Variants in UBE2B observed in about 807,000 individuals in gnomAD.
The protein encoded by UBE2B is ubiquitin conjugating enzyme E2 B.
UBE2B carries 11 observed loss-of-function variants against 24.6 expected under a neutral mutation model. The ratio of observed to expected loss-of-function variants is 0.45; its 90% CI spans 0.28 to 0.74. The LOEUF (loss-of-function observed/expected upper bound fraction) is 0.74, where lower values mean the gene tolerates loss of function less well. UBE2B is among the 30% of genes least tolerant of loss of function. The pLI, the probability that UBE2B is intolerant of heterozygous loss-of-function variation, is 0.13. For missense variants in UBE2B, 78 were observed against 185.6 expected (o/e 0.42, Z 3.37); for synonymous variants, 68 against 62.4 (o/e 1.09, Z -0.42).
In UBE2B at chr5:134,374,363, T is replaced by C. The variant is rs1235144739; in HGVS notation, c.45-20T>C. ...TGGCCTTAATGTTCAACTTTTTAAA[T>C]TACCACGCTGGATTTCCAGGTTACA... On this transcript the variant is annotated intron_variant, in intron 1 of 5. Transcript: ENST00000265339. 26 of 1,551,806 alleles carry C rather than the reference T, an allele frequency of 1.7e-5. No homozygotes were observed. The highest frequency in any genetic ancestry group is 2.2e-5 in the Non-Finnish European group (25 of 1,147,044).
At chr5:134,389,986 T>C in intron 5 of UBE2B, 1 of 471,318 alleles carries the variant, frequency 2.1e-6, no homozygotes, top group Non-Finnish European at 3.8e-6. Flanking sequence ...CAGCTGAAAT[T>C]ATAGGTCTTA....
intron 2 of UBE2B, among the ~76,000 whole-genome samples, chr5:134,375,797 CAAAAAAAAAAAAAAAA>C (rs775635194): frequency 6.7e-5 from 2 of 29,892 alleles, no homozygotes; most frequent in Admixed American, 4.1e-4. Context: ...GACTCCGTCT[CAAAAAAAAAAAAAAAA>C]AAAAAAAAAA....
intron 1 of UBE2B, among the ~76,000 whole-genome samples, chr5:134,373,949 G>C (rs1758549165): frequency 6.6e-6 from 1 of 152,150 alleles, no homozygotes; most frequent in African/African-American, 2.4e-5. Context: ...AAACATACGT[G>C]TGCATGTGTC....
intron 4 of UBE2B, among the ~76,000 whole-genome samples, chr5:134,386,478 A>G (rs1355837484): frequency 6.6e-6 from 1 of 152,036 alleles, no homozygotes; most frequent in Admixed American, 6.6e-5. Context: ...CTAAAAATGC[A>G]AAAATTAGCT....
chr5:134,381,218 G>A (rs929279585), intron 4 of UBE2B, among the ~76,000 whole-genome samples: 20 of 151,748 alleles, frequency 1.3e-4, no homozygotes, highest in Admixed American at 3.3e-4. Flanking sequence ...TGCCCACCTT[G>A]GCCTCCCAAA....
At chr5:134,374,300 T>C (rs1561678693) in intron 1 of UBE2B, 83 bp from the exon 2 acceptor site, 10 of 1,209,002 alleles carry the variant, frequency 8.3e-6, no homozygotes, top group Non-Finnish European at 1.2e-5. Context: ...TCAAAATAGA[T>C]GGTATAGTGT....
intron 3 of UBE2B, among the ~76,000 whole-genome samples, chr5:134,378,356 T>C (rs1203398743): frequency 6.6e-6 from 1 of 151,712 alleles, no homozygotes; most frequent in Non-Finnish European, 1.5e-5. Flanking sequence ...GCCTCCGAGG[T>C]TCAAGTGATT....
intron 3 of UBE2B, 42 bp from the exon 4 acceptor site, chr5:134,380,677 G>A: frequency 2.6e-6 from 3 of 1,171,908 alleles, no homozygotes; most frequent in Non-Finnish European, 3.8e-6. Context: ...AGATTAAAAA[G>A]TCGTGCTTGT....
In UBE2B at chr5:134,371,604, C is replaced by G. The variant is rs748632151; in HGVS notation, c.9C>G (p.Thr3=). The G allele has an allele frequency of 1.2e-6, 2 of 1,612,808 alleles. No individual in the cohort carries two copies. Among genetic ancestry groups the G allele is most frequent in the Admixed American group, 1.7e-5 (1 of 59,978 alleles). ...CGGGGCAGCTGCGGAGCATGTCGAC[C>G]CCGGCCCGGAGGAGGCTCATGCGGG... MS[T]PARRRLMRDF... The change falls in exon 1 of 6, where the codon ACC becomes ACG. Residue 3 remains threonine (T), a synonymous_variant. Transcript: ENST00000265339.
intron 2 of UBE2B, among the ~76,000 whole-genome samples, chr5:134,375,261 A>G (rs1439906874): frequency 6.6e-6 from 1 of 152,206 alleles, no homozygotes; most frequent in Non-Finnish European, 1.5e-5. Flanking sequence ...AAGCAGTTGT[A>G]AATTTTACCT....
At chr5:134,387,857 C>T (rs1194044440) in intron 4 of UBE2B, among the ~76,000 whole-genome samples, 1 of 152,070 alleles carries the variant, frequency 6.6e-6, no homozygotes, top group East Asian at 1.9e-4. Context: ...GGCTGGAGTG[C>T]AGTGGTGTGA....
At chr5:134,376,403 G>T (rs1236859877) in intron 2 of UBE2B, among the ~76,000 whole-genome samples, 1 of 118,526 alleles carries the variant, frequency 8.4e-6, no homozygotes, top group Non-Finnish European at 1.7e-5. Flanking sequence ...ATTAATGAAA[G>T]TTTTTTTGTG....
intron 4 of UBE2B, among the ~76,000 whole-genome samples, chr5:134,387,268 A>T (rs914354790): frequency 6.6e-6 from 1 of 152,002 alleles, no homozygotes; most frequent in Admixed American, 6.6e-5. Context: ...TTCTACTCTT[A>T]TAAGTAGTAT....
At chr5:134,373,765 G>A (rs2149689725) in intron 1 of UBE2B, among the ~76,000 whole-genome samples, 1 of 152,264 alleles carries the variant, frequency 6.6e-6, no homozygotes, top group African/African-American at 2.4e-5. Context: ...GTAGTTTGCT[G>A]AGAATGATGG....
At chr5:134,377,272 G>A (rs1009371716) in intron 3 of UBE2B, among the ~76,000 whole-genome samples, 1 of 152,284 alleles carries the variant, frequency 6.6e-6, no homozygotes, top group South Asian at 2.1e-4. Context: ...CCCAATTGTA[G>A]TGTTGGATTT....
chr5:134,382,712 T>A (rs533535414), intron 4 of UBE2B, among the ~76,000 whole-genome samples: 2 of 151,246 alleles, frequency 1.3e-5, no homozygotes, highest in South Asian at 4.2e-4. Context: ...AGGTTGAGGC[T>A]GTAGCAAGCC....
chr5:134,381,875 C>T (rs754070192), intron 4 of UBE2B, among the ~76,000 whole-genome samples: 13 of 152,110 alleles, frequency 8.5e-5, no homozygotes, highest in Non-Finnish European at 1.8e-4. Context: ...ACCTGGGAGA[C>T]GGAGGTTGCA....
At chr5:134,380,236 T>G (rs1758686829) in intron 3 of UBE2B, among the ~76,000 whole-genome samples, 1 of 152,204 alleles carries the variant, frequency 6.6e-6, no homozygotes, top group Non-Finnish European at 1.5e-5. Context: ...GAAGATTTTC[T>G]GAGTTAAAGT....
intron 1 of UBE2B, among the ~76,000 whole-genome samples, chr5:134,373,947 G>A (rs1354924127): frequency 3.9e-5 from 6 of 152,258 alleles, no homozygotes; most frequent in Admixed American, 2.0e-4. Flanking sequence ...ATAAACATAC[G>A]TGTGCATGTG....
Sources: allele counts gnomAD v4.1 joint callset (sites outside exome capture counted in the v4.1 genomes callset), GRCh38; gene constraint gnomAD v4.1.1; transcripts MANE v1.5; gene names NCBI Gene and HGNC (gene_info 2026-07-23, HGNC 2026-07-21).